The following CCDC144A variants were observed in gnomAD, a reference collection of about 807,000 sequenced individuals.
CCDC144A encodes the protein coiled-coil domain-containing protein 144A.
Under a neutral mutation model 143.8 loss-of-function variants are expected in CCDC144A, and 41 were observed. The ratio of observed to expected loss-of-function variants is 0.29; its 90% CI spans 0.22 to 0.37. The LOEUF (loss-of-function observed/expected upper bound fraction) is 0.37, where lower values mean the gene tolerates loss of function less well. Among genes scored for constraint, CCDC144A ranks in the 10% least tolerant of loss-of-function variants. The pLI is 1.00. For synonymous variants in CCDC144A, 242 were observed against 517.9 expected, an observed-to-expected ratio of 0.47 and a Z score of 7.23; for missense variants, 637 against 1,488.8, an observed-to-expected ratio of 0.43 and a Z score of 9.41.
chr17:16,708,384 T>A (rs1912178676), intron 4 of CCDC144A, among the ~76,000 whole-genome samples: 1 of 152,194 alleles, frequency 6.6e-6, no homozygotes, highest in East Asian at 1.9e-4. Flanking sequence ...AGTACTTACA[T>A]GTAGTAATAT....
intron 12 of CCDC144A, chr17:16,746,319 C>G: frequency 1.1e-6 from 1 of 944,634 alleles, no homozygotes; most frequent in Non-Finnish European, 1.5e-6. Context: ...TTTTCCTCTT[C>G]CCGCAAACGT....
chr17:16,750,233 T>C (rs1914726899), intron 12 of CCDC144A, among the ~76,000 whole-genome samples: 1 of 151,988 alleles, frequency 6.6e-6, no homozygotes, highest in Non-Finnish European at 1.5e-5. Context: ...TGGGTATTGT[T>C]CTTTCTTTTC....
At position 16,756,098 on chromosome 17, in the gene CCDC144A, G is replaced by A. The variant is rs534018558; in HGVS notation, c.3373-5327G>A. 1.7e-3 allele frequency among the ~76,000 whole-genome samples: 261 copies of A among 152,272 alleles called. 1 individual carries two copies. Among genetic ancestry groups the A allele is most frequent in the African/African-American group, 5.6e-3 (232 of 41,526 alleles). On this transcript the variant is annotated intron_variant, in intron 12 of 16. Transcript: ENST00000399273. ...TGCTGCAGAGAAGACATTTTTTATTGTATTTCTTTGGGGATCTTTGAGACA... is the reference window on the plus strand; with the variant it reads ...TGCTGCAGAGAAGACATTTTTTATTATATTTCTTTGGGGATCTTTGAGACA...
At chr17:16,725,448 T>C (rs549000318) in intron 8 of CCDC144A, among the ~76,000 whole-genome samples, 5 of 151,388 alleles carry the variant, frequency 3.3e-5, no homozygotes, top group Admixed American at 2.6e-4. Context: ...CTACAATTTA[T>C]AGTATATGAT....
chr17:16,729,782 A>G (rs547035143), intron 9 of CCDC144A, among the ~76,000 whole-genome samples: 1 of 150,088 alleles, frequency 6.7e-6, no homozygotes, highest in African/African-American at 2.5e-5. Flanking sequence ...TGAACTCCTG[A>G]CGTCAGGTGA....
At chr17:16,705,699 G>A (rs899439379) in intron 3 of CCDC144A, 4 of 323,326 alleles carry the variant, frequency 1.2e-5, no homozygotes, top group African/African-American at 8.6e-5. Context: ...TAACTTAGTA[G>A]AGACCTAAAG....
chr17:16,767,931 C>A (rs1214256555), intron 15 of CCDC144A, among the ~76,000 whole-genome samples: 1 of 152,214 alleles, frequency 6.6e-6, no homozygotes, highest in Non-Finnish European at 1.5e-5. Context: ...TAATGAGATG[C>A]AGATGAATTG....
intron 2 of CCDC144A, among the ~76,000 whole-genome samples, chr17:16,704,685 G>A (rs1463059149): frequency 6.6e-6 from 1 of 151,880 alleles, no homozygotes; most frequent in Non-Finnish European, 1.5e-5. Context: ...AAATTCTGAA[G>A]ATAGTGGTGC....
chr17:16,698,002 TGA>T (rs1371336020), intron 2 of CCDC144A, among the ~76,000 whole-genome samples: 2 of 152,148 alleles, frequency 1.3e-5, no homozygotes, highest in African/African-American at 4.8e-5. Flanking sequence ...TCTGCATTGC[TGA>T]GTTTACTGAA....
At chr17:16,667,087 G>T in the CCDC144A span, 1 of 156,444 alleles carries the variant, frequency 6.4e-6, no homozygotes, top group Non-Finnish European at 1.4e-5. Flanking sequence ...CCCTGCCCAC[G>T]GAGCGCGGGT....
intron 2 of CCDC144A, among the ~76,000 whole-genome samples, chr17:16,693,948 C>T (rs1911250609): frequency 6.8e-6 from 1 of 147,212 alleles, no homozygotes; most frequent in African/African-American, 2.5e-5. Flanking sequence ...TGTATTCTTA[C>T]AATAAAGGAA....
At position 16,711,155 on chromosome 17, in the gene CCDC144A, AAAAC is replaced by A. The variant is rs1355748315; in HGVS notation, c.1579-520_1579-517del. On this transcript the variant is annotated intron_variant, in intron 5 of 16. Coordinates refer to ENST00000399273, the MANE Select transcript of CCDC144A (RefSeq NM_001382000.1). ...TCAAATGAAAAAAAAAAAAAAAAAA[AAAAC>A]AAAAGTTAGTGGGGGAAAAGAATAG... is the stretch of plus-strand genomic sequence containing the variant. 3.3e-4 allele frequency among the ~76,000 whole-genome samples: 48 copies of A among 143,366 alleles called. 1 individual carries two copies. The highest frequency in any genetic ancestry group is 1.8e-3 in the East Asian group (9 of 5,124). The allele number at this position is 143,366 out of a possible 152,430, so 94.1% of individuals were successfully genotyped here. A position where few individuals can be genotyped will look rare whatever the true frequency, so the allele number is the denominator to read the frequency against.
chr17:16,711,381 G>A (rs981635722), intron 5 of CCDC144A, among the ~76,000 whole-genome samples: 1 of 151,704 alleles, frequency 6.6e-6, no homozygotes, highest in Non-Finnish European at 1.5e-5. Context: ...AGGGTGGTTG[G>A]GAATAAAAGC....
chr17:16,766,367 C>T (rs956217207), intron 15 of CCDC144A: 1 of 152,162 alleles, frequency 6.6e-6, no homozygotes, highest in African/African-American at 2.4e-5. Flanking sequence ...TTTTGGAGGC[C>T]CAAGATATTT....
intron 6 of CCDC144A, among the ~76,000 whole-genome samples, chr17:16,714,011 C>T (rs1366271172): frequency 6.6e-6 from 1 of 152,074 alleles, no homozygotes; most frequent in East Asian, 1.9e-4. Context: ...GTTTCTTAGA[C>T]CTCATTTTAT....
intron 11 of CCDC144A, among the ~76,000 whole-genome samples, chr17:16,733,153 C>T (rs1239781084): frequency 8.6e-5 from 13 of 150,798 alleles, no homozygotes; most frequent in Admixed American, 2.0e-4. Context: ...CTCCAAGTAG[C>T]GTCTCATTTC....
At chr17:16,708,577 A>AC (rs1555531409) in intron 4 of CCDC144A, 10 of 600,608 alleles carry the variant, frequency 1.7e-5, no homozygotes, top group Non-Finnish European at 2.8e-5. Flanking sequence ...AGCTAAGACA[A>AC]TTTTTTTTTA....
At chr17:16,684,218 G>A in the CCDC144A span, 7 of 919,080 alleles carry the variant, frequency 7.6e-6, no homozygotes, top group Non-Finnish European at 1.3e-5. Flanking sequence ...CCAGGGGATG[G>A]ACATTCAGTG....
chr17:16,762,218 C>T (rs1170598186), intron 13 of CCDC144A, 95 bp from the exon 14 acceptor site: 1 of 1,512,010 alleles, frequency 6.6e-7, no homozygotes, highest in Admixed American at 2.3e-5. Context: ...TAAAATTGTT[C>T]TCTGAGTCAC....
Sources: allele counts gnomAD v4.1 joint callset (sites outside exome capture counted in the v4.1 genomes callset), GRCh38; gene constraint gnomAD v4.1.1; transcripts MANE v1.5; gene names NCBI Gene and HGNC (gene_info 2026-07-23, HGNC 2026-07-21).